Variants in SGCZ observed in about 807,000 individuals in gnomAD.
SGCZ encodes sarcoglycan zeta, also known as zeta-sarcoglycan.
In SGCZ, 40 loss-of-function variants were observed where a neutral mutation model predicts 41.3. That is an observed-to-expected ratio of 0.97 (90% CI 0.75 to 1.26). SGCZ has a LOEUF of 1.26. Ranked by LOEUF, SGCZ falls within the 50% of genes most tolerant of loss-of-function variation. The probability of loss-of-function intolerance (pLI) is 0.00; values close to 1 mark genes in which losing one functional copy is unlikely to be tolerated. For synonymous variants in SGCZ, 206 were observed against 137.5 expected (o/e 1.50, Z -3.49); for missense variants, 552 against 369.8 (o/e 1.49, Z -4.04).
intron 1 of SGCZ, among the ~76,000 whole-genome samples, chr8:14,970,065 G>C (rs1456279889): frequency 1.3e-5 from 2 of 151,958 alleles, no homozygotes; most frequent in Non-Finnish European, 2.9e-5. Flanking sequence ...TTTAATTATA[G>C]TCATTCTCAC....
chr8:14,155,758 G>C (rs971577275), intron 5 of SGCZ, among the ~76,000 whole-genome samples: 11 of 151,522 alleles, frequency 7.3e-5, no homozygotes, highest in Admixed American at 6.6e-5. Flanking sequence ...ACAGTCATGT[G>C]TTGCTTAACA....
chr8:14,741,898 T>C (rs1352501248), intron 1 of SGCZ, among the ~76,000 whole-genome samples: 1 of 127,876 alleles, frequency 7.8e-6, no homozygotes, highest in Non-Finnish European at 1.6e-5. Flanking sequence ...TCACAAAACT[T>C]TTTCAGAACT....
At chr8:14,840,765 C>A (rs912232194) in intron 1 of SGCZ, among the ~76,000 whole-genome samples, 1 of 152,152 alleles carries the variant, frequency 6.6e-6, no homozygotes, top group South Asian at 2.1e-4. Context: ...AAAAAGAAGG[C>A]ATTTGATTAG....
At chr8:14,736,671 T>G (rs993256219) in intron 1 of SGCZ, among the ~76,000 whole-genome samples, 1 of 152,096 alleles carries the variant, frequency 6.6e-6, no homozygotes, top group Non-Finnish European at 1.5e-5. Context: ...TGTGTCATTC[T>G]TATGCCTTTG....
intron 1 of SGCZ, among the ~76,000 whole-genome samples, chr8:14,996,386 G>C (rs887703852): frequency 2.6e-5 from 4 of 152,160 alleles, no homozygotes; most frequent in African/African-American, 7.2e-5. Flanking sequence ...GTAGCAGCCT[G>C]ATGATATTTT....
chr8:14,256,684 A>G (rs535498404), intron 3 of SGCZ, among the ~76,000 whole-genome samples: 1 of 152,252 alleles, frequency 6.6e-6, no homozygotes, highest in South Asian at 2.1e-4. Flanking sequence ...GCTCCATCCA[A>G]TGAGCATCTC....
At chr8:14,258,127 T>C (rs1430281436) in intron 3 of SGCZ, among the ~76,000 whole-genome samples, 1 of 152,190 alleles carries the variant, frequency 6.6e-6, no homozygotes, top group African/African-American at 2.4e-5. Flanking sequence ...ATGAGATCAC[T>C]TTATGTTTTG....
chr8:15,058,154 A>G (rs1166333228), intron 1 of SGCZ, among the ~76,000 whole-genome samples: 1 of 152,214 alleles, frequency 6.6e-6, no homozygotes, highest in Admixed American at 6.5e-5. Flanking sequence ...ACACATGAAC[A>G]CTAATAAATT....
At chr8:14,141,386 C>A (rs1314358083) in intron 5 of SGCZ, among the ~76,000 whole-genome samples, 1 of 152,170 alleles carries the variant, frequency 6.6e-6, no homozygotes, top group African/African-American at 2.4e-5. Context: ...AGGCAACCTA[C>A]AGAATGGAAG....
chr8:15,171,569 T>C (rs112111250), intron 1 of SGCZ, among the ~76,000 whole-genome samples: 96 of 152,344 alleles, frequency 6.3e-4, no homozygotes, highest in African/African-American at 2.1e-3. Flanking sequence ...CTGGGTATTA[T>C]GTAGAAATTC....
At chr8:15,224,966 A>C (rs1421420785) in intron 1 of SGCZ, among the ~76,000 whole-genome samples, 2 of 152,214 alleles carry the variant, frequency 1.3e-5, no homozygotes, top group Non-Finnish European at 2.9e-5. Flanking sequence ...ACATTGAGAA[A>C]GCTACAAAAA....
intron 1 of SGCZ, among the ~76,000 whole-genome samples, chr8:14,845,922 AAAG>A (rs1803085250): frequency 6.6e-6 from 1 of 152,214 alleles, no homozygotes; most frequent in Non-Finnish European, 1.5e-5. Context: ...AGTGGTCCTC[AAAG>A]AAGACTATTA....
intron 1 of SGCZ, among the ~76,000 whole-genome samples, chr8:14,703,014 C>T (rs961109190): frequency 4.0e-5 from 6 of 151,726 alleles, no homozygotes; most frequent in Admixed American, 6.6e-5. Flanking sequence ...CAATTCTTAC[C>T]TCCTCCATTA....
At chr8:14,852,277 T>C (rs1218637364) in intron 1 of SGCZ, among the ~76,000 whole-genome samples, 1 of 152,168 alleles carries the variant, frequency 6.6e-6, no homozygotes, top group Non-Finnish European at 1.5e-5. Context: ...AAGAACCATC[T>C]GAAAGGTAGA....
intron 1 of SGCZ, among the ~76,000 whole-genome samples, chr8:15,094,160 G>A (rs568392211): frequency 1.3e-5 from 2 of 151,250 alleles, no homozygotes; most frequent in Admixed American, 6.6e-5. Context: ...TTTGAGACAC[G>A]GTCTCACTCT....
chr8:14,345,322 C>G (rs1802857490), intron 2 of SGCZ, among the ~76,000 whole-genome samples: 1 of 152,052 alleles, frequency 6.6e-6, no homozygotes. Context: ...TCATATACTA[C>G]CCGGTGAGAA....
chr8:14,281,953 GAAC>G (rs1164438243), intron 3 of SGCZ, among the ~76,000 whole-genome samples: 1 of 151,498 alleles, frequency 6.6e-6, no homozygotes, highest in Non-Finnish European at 1.5e-5. Flanking sequence ...GCATTTAAAC[GAAC>G]AACATCAATC....
intron 3 of SGCZ, among the ~76,000 whole-genome samples, chr8:14,295,834 G>A (rs1800991261): frequency 6.6e-6 from 1 of 152,146 alleles, no homozygotes; most frequent in Non-Finnish European, 1.5e-5. Context: ...GAGTGCGGCA[G>A]GTAGGGTACT....
At chr8:14,338,387 T>G (rs539197281) in intron 2 of SGCZ, among the ~76,000 whole-genome samples, 19 of 152,274 alleles carry the variant, frequency 1.2e-4, no homozygotes, top group South Asian at 2.1e-4. Context: ...CGTGGGTAGC[T>G]TATGTAACTG....
Sources: allele counts gnomAD v4.1 joint callset (sites outside exome capture counted in the v4.1 genomes callset), GRCh38; gene constraint gnomAD v4.1.1; transcripts MANE v1.5; gene names NCBI Gene and HGNC (gene_info 2026-07-23, HGNC 2026-07-21).